UQCRC2: variants seen among roughly 807,000 people sequenced by gnomAD.
The protein encoded by UQCRC2 is ubiquinol-cytochrome c reductase core protein 2, also known as cytochrome b-c1 complex subunit 2, mitochondrial.
A neutral mutation model predicts 55.6 loss-of-function variants in UQCRC2; 49 were observed. The ratio of observed to expected loss-of-function variants is 0.88; its 90% confidence interval spans 0.70 to 1.12. The LOEUF (loss-of-function observed/expected upper bound fraction) is 1.12. Among genes scored for constraint, UQCRC2 ranks in the 50% most tolerant of loss-of-function variants. The pLI is 0.00. For synonymous variants in UQCRC2, 193 were observed against 192.0 expected (o/e 1.01, Z -0.04); for missense variants, 506 against 547.8 (o/e 0.92, Z 0.76).
At position 21,957,377 on chromosome 16, in the gene UQCRC2, C is replaced by T. The variant is rs372888669; in HGVS notation, c.118-40C>T. 33 of 1,613,590 alleles carry T rather than the reference C, an allele frequency of 2.0e-5. 1 individual carries two copies. In the Middle Eastern group the frequency reaches 4.9e-4, roughly 24 times the overall value. ...ACATGCCTTACTCTCCTTGGTAATACGAAGACATTCATTATATCTCTACTT... is the reference window on the plus strand; with the variant it reads ...ACATGCCTTACTCTCCTTGGTAATATGAAGACATTCATTATATCTCTACTT... On this transcript the variant is annotated intron_variant, in intron 2 of 13. Transcript: ENST00000268379.
intron 3 of UQCRC2, 22 bp downstream of exon 3, chr16:21,957,588 A>C: frequency 6.2e-7 from 1 of 1,610,822 alleles, no homozygotes; most frequent in Non-Finnish European, 8.5e-7. Flanking sequence ...CACTTCCTCA[A>C]GTGTTTGGAA....
chr16:21,982,465 CTA>C (rs1356520370), intron 13 of UQCRC2, among the ~76,000 whole-genome samples: 1 of 152,196 alleles, frequency 6.6e-6, no homozygotes, highest in Admixed American at 6.5e-5. Context: ...CCACACTACT[CTA>C]TTTGACAGTG....
intron 4 of UQCRC2, chr16:21,959,395 C>T: frequency 3.7e-6 from 1 of 272,312 alleles, no homozygotes; most frequent in Non-Finnish European, 7.4e-6. Context: ...ACTTTGTTTG[C>T]TCATCCATAA....
intron 4 of UQCRC2, 66 bp from the exon 5 acceptor site, chr16:21,962,394 A>C (rs1898225203): frequency 6.3e-7 from 1 of 1,579,046 alleles, no homozygotes; most frequent in Admixed American, 1.7e-5. Context: ...TGGTTGATAG[A>C]AGATTATAAG....
Position 21,973,751 on chromosome 16 carries a change from A to G in UQCRC2, c.967-145A>G, listed in dbSNP as rs139221467. 1.1e-3 allele frequency: 747 copies of G among 677,936 alleles called. 3 individuals are homozygous for G. In the African/African-American group the frequency reaches 0.012, roughly 11 times the overall value. 42.0% of individuals were successfully genotyped at this position (677,936 alleles called of 1,614,324 possible). Reference sequence around the variant, plus strand: ...AGGTAACCTATTTACAGAATACTTCAGTTCGTGACAGAACTGGCTAAGTAA... The same window carrying G: ...AGGTAACCTATTTACAGAATACTTCGGTTCGTGACAGAACTGGCTAAGTAA... On this transcript the variant is annotated intron_variant, in intron 10 of 13. Transcript: ENST00000268379.
intron 4 of UQCRC2, among the ~76,000 whole-genome samples, chr16:21,960,143 T>C (rs1898166450): frequency 6.6e-6 from 1 of 152,226 alleles, no homozygotes; most frequent in Non-Finnish European, 1.5e-5. Flanking sequence ...ACGAATGTCC[T>C]GGACGGCATC....
intron 4 of UQCRC2, chr16:21,962,090 C>T: frequency 1.1e-5 from 2 of 188,774 alleles, no homozygotes; most frequent in Admixed American, 1.1e-4. Flanking sequence ...CTCCCCTCCC[C>T]TCAGCCTTTG....
Position 21,980,630 on chromosome 16 carries a change from C to G in UQCRC2, c.1208C>G (p.Ala403Gly), listed in dbSNP as rs780195198. The stretch of plus-strand genomic sequence containing the variant: ...GAAGTCGGGTCCCAGGCTCTAGTTG[C>G]TGGTTCTTACATGCCACCATCCACA... ...LEEVGSQALV[A>G]GSYMPPSTVL... The change falls in exon 13 of 14, where the codon GCT becomes GGT. Residue 403 changes from alanine to glycine, a missense_variant. Transcript: ENST00000268379. 12 of 1,614,190 alleles carry G rather than the reference C, an allele frequency of 7.4e-6. No individual in the cohort carries two copies. The highest frequency in any genetic ancestry group is 1.0e-5 in the Non-Finnish European group (12 of 1,180,028).
chr16:21,963,462 TTTTG>T (rs911131569), intron 6 of UQCRC2, among the ~76,000 whole-genome samples: 25 of 152,054 alleles, frequency 1.6e-4, no homozygotes, highest in East Asian at 9.7e-4. Context: ...AATGTTTTGT[TTTTG>T]TTTGTTTGTT....
intron 1 of UQCRC2, among the ~76,000 whole-genome samples, chr16:21,955,375 T>C (rs912206824): frequency 3.3e-5 from 5 of 152,188 alleles, no homozygotes; most frequent in Non-Finnish European, 7.3e-5. Context: ...ACAAACAGCC[T>C]TCTGGACAGC....
At chr16:21,966,256 A>G (rs2141935813) in intron 7 of UQCRC2, among the ~76,000 whole-genome samples, 1 of 152,204 alleles carries the variant, frequency 6.6e-6, no homozygotes, top group Admixed American at 6.5e-5. Flanking sequence ...ACTTGAGCCC[A>G]CTTCCTTAGC....
At chr16:21,982,959 A>T in intron 13 of UQCRC2, 129 bp from the exon 14 acceptor site, 2 of 804,158 alleles carry the variant, frequency 2.5e-6, no homozygotes, top group South Asian at 3.8e-5. Flanking sequence ...GCGAGACTCC[A>T]CCTCAAAAAA....
At position 21,958,555 on chromosome 16, in the gene UQCRC2, T is replaced by C; in HGVS notation, c.288T>C (p.Ser96=). The C allele has an allele frequency of 6.2e-7, 1 of 1,612,586 alleles. No homozygotes were observed. Among genetic ancestry groups the C allele is most frequent in the Non-Finnish European group, 8.5e-7 (1 of 1,179,610 alleles). ...TCAAGACGACAAAAGGAGCTTCATC[T>C]TTCAAGATAACCCGTGGAATTGAAG... ...TSSLTTKGAS[S]FKITRGIEAV... The change falls in exon 4 of 14, where the codon TCT becomes TCC. Residue 96 remains serine, a synonymous_variant. Transcript: ENST00000268379.
In UQCRC2 at chr16:21,976,185, A is replaced by G; in HGVS notation, c.1066A>G (p.Asn356Asp). 1 of 1,613,998 alleles carries G rather than the reference A, an allele frequency of 6.2e-7. No homozygotes were observed. The highest frequency in any genetic ancestry group is 2.2e-5 in the East Asian group (1 of 44,876). Reference protein sequence around the residue: ...AAGDVIKAAYNQVKTIAQGNL... With the variant: ...AAGDVIKAAYDQVKTIAQGNL... ...GTCCTAGGTTATCAAGGCTGCCTATAATCAAGTAAAAACAATAGCTCAAGG... is the reference window on the plus strand; with the variant it reads ...GTCCTAGGTTATCAAGGCTGCCTATGATCAAGTAAAAACAATAGCTCAAGG... The change falls in exon 12 of 14, where the codon AAT becomes GAT. Residue 356 changes from asparagine to aspartate, a missense_variant. Coordinates refer to ENST00000268379, the MANE Select transcript of UQCRC2 (RefSeq NM_003366.4).
At chr16:21,961,626 T>TATATATA (rs1898200733) in intron 4 of UQCRC2, among the ~76,000 whole-genome samples, 1 of 64,476 alleles carries the variant, frequency 1.6e-5, no homozygotes, top group Non-Finnish European at 4.3e-5. Flanking sequence ...AACATAAAAT[T>TATATATA]TATATATATA....
In UQCRC2 at chr16:21,975,515, T is replaced by C. The variant is rs1336837627; in HGVS notation, c.1048-652T>C. 2.6e-5 allele frequency among the ~76,000 whole-genome samples: 4 copies of C among 152,158 alleles called. No individual in the cohort carries two copies. The East Asian group carries it at 7.7e-4, about 29-fold the overall frequency. On this transcript the variant is annotated intron_variant, in intron 11 of 13. Transcript: ENST00000268379. ...GTAGCAGACCCAGCCAGCACTGGGA[T>C]GGAGAAAATCATGGTCAGATTTATT...
intron 8 of UQCRC2, among the ~76,000 whole-genome samples, chr16:21,969,944 T>A (rs1898419064): frequency 1.3e-5 from 2 of 151,948 alleles, no homozygotes; most frequent in South Asian, 4.1e-4. Flanking sequence ...CAATCATAGC[T>A]CACTGCCTTG....
At chr16:21,968,244 C>T (rs1480627148) in intron 7 of UQCRC2, among the ~76,000 whole-genome samples, 4 of 152,090 alleles carry the variant, frequency 2.6e-5, no homozygotes, top group East Asian at 1.9e-4. Flanking sequence ...TCAAATGATC[C>T]GCCAGCCTTG....
chr16:21,955,580 C>G (rs1382555746), intron 1 of UQCRC2, among the ~76,000 whole-genome samples: 2 of 152,196 alleles, frequency 1.3e-5, no homozygotes, highest in African/African-American at 2.4e-5. Flanking sequence ...AAAATGAATG[C>G]ATTTTGGGTC....
Sources: gnomAD v4.1 joint callset for allele counts (sites outside exome capture counted in the v4.1 genomes callset) on GRCh38, gnomAD v4.1.1 for gene constraint, MANE v1.5 for transcripts, NCBI Gene and HGNC (gene_info 2026-07-23, HGNC 2026-07-21) for gene names.